DACH2: variants seen among roughly 807,000 people sequenced by gnomAD.
DACH2 encodes the protein dachshund family transcription factor 2, also known as dachshund homolog 2.
DACH2 carries 17 observed loss-of-function variants against 35.8 expected under a neutral mutation model. That is an observed-to-expected ratio of 0.48 (90% CI 0.33 to 0.71). The LOEUF is 0.71. Ranked by LOEUF, DACH2 falls within the 30% of genes least tolerant of loss-of-function variation. DACH2 has a pLI of 0.02. For missense variants in DACH2, 469 were observed against 472.7 expected (o/e 0.99, Z 0.07); for synonymous variants, 195 against 177.3 (o/e 1.10, Z -0.79).
intron 1 of DACH2, among the ~76,000 whole-genome samples, chrX:86,214,170 T>C (rs7057548): frequency 0.037 from 4,087 of 111,459 alleles, 190 homozygotes; most frequent in African/African-American, 0.13. Flanking sequence ...CTTCTTCTGG[T>C]TTATCTTTCA....
At chrX:86,606,156 C>T (rs1277419592) in intron 3 of DACH2, among the ~76,000 whole-genome samples, 1 of 110,883 alleles carries the variant, frequency 9.0e-6, no homozygotes, top group Admixed American at 9.6e-5. Context: ...CTTAAGGGGA[C>T]TATATTTGTG....
At chrX:86,687,169 A>G (rs2040954221) in intron 4 of DACH2, among the ~76,000 whole-genome samples, 1 of 111,665 alleles carries the variant, frequency 9.0e-6, no homozygotes, top group Non-Finnish European at 1.9e-5. Flanking sequence ...TTGACTCCTG[A>G]TCTTTTTGGA....
chrX:86,383,497 C>T lies in DACH2; in HGVS notation c.527+6635C>T, dbSNP rs754855971. Among the ~76,000 whole-genome samples the T allele has an allele frequency of 3.1e-3, 320 of 103,972 alleles. 1 individual carries two copies. Among genetic ancestry groups the T allele is most frequent in the African/African-American group, 0.011 (316 of 28,528 alleles). 90.3% of individuals were successfully genotyped at this position (103,972 alleles called of 115,157 possible). ...CTGAACGAAGCCTTGGCAAACGAAACTTGTTATCTTTTATCAGAAAAAGTC... is the reference window on the plus strand; with the variant it reads ...CTGAACGAAGCCTTGGCAAACGAAATTTGTTATCTTTTATCAGAAAAAGTC... On this transcript the variant is annotated intron_variant, in intron 2 of 11. Coordinates refer to ENST00000373125, the MANE Select transcript of DACH2 (RefSeq NM_053281.3).
intron 1 of DACH2, chrX:86,161,487 A>C: frequency 2.8e-6 from 1 of 358,226 alleles, no homozygotes; most frequent in Non-Finnish European, 4.8e-6. Context: ...AGTTAAATAA[A>C]AATTTCTTGA....
chrX:86,181,246 T>C (rs1019826537), intron 1 of DACH2, among the ~76,000 whole-genome samples: 4 of 110,083 alleles, frequency 3.6e-5, no homozygotes, highest in Admixed American at 9.8e-5. Flanking sequence ...GAAGGTTTGT[T>C]ACATAGGTCT....
chrX:86,572,756 C>G (rs1252326514), intron 3 of DACH2, among the ~76,000 whole-genome samples: 1 of 111,427 alleles, frequency 9.0e-6, no homozygotes, highest in Non-Finnish European at 1.9e-5. Flanking sequence ...CTTTACATAA[C>G]CTCATTTCTC....
intron 3 of DACH2, among the ~76,000 whole-genome samples, chrX:86,560,625 C>A (rs1228705268): frequency 1.1e-5 from 1 of 89,455 alleles, no homozygotes; most frequent in African/African-American, 4.2e-5. Flanking sequence ...CTTTGACAAA[C>A]CTGAGAAAAA....
intron 2 of DACH2, among the ~76,000 whole-genome samples, chrX:86,381,431 ATT>A (rs1250463378): frequency 9.0e-6 from 1 of 110,900 alleles, no homozygotes; most frequent in Non-Finnish European, 1.9e-5. Flanking sequence ...TAAAGATACT[ATT>A]TTAAATTTGT....
At chrX:86,225,194 G>A (rs1220268904) in intron 1 of DACH2, among the ~76,000 whole-genome samples, 5 of 111,578 alleles carry the variant, frequency 4.5e-5, no homozygotes, top group East Asian at 2.8e-4. Context: ...GATCACTTGC[G>A]TTGAGCAGTG....
At chrX:86,626,117 G>T (rs1200009111) in intron 3 of DACH2, among the ~76,000 whole-genome samples, 3 of 112,285 alleles carry the variant, frequency 2.7e-5, no homozygotes, top group African/African-American at 9.7e-5. Flanking sequence ...AAGCAAGTTA[G>T]TTACTTGCTA....
At chrX:86,476,239 G>C (rs2037841371) in intron 2 of DACH2, among the ~76,000 whole-genome samples, 1 of 111,792 alleles carries the variant, frequency 8.9e-6, no homozygotes, top group Admixed American at 9.5e-5. Context: ...AGAATAGTTT[G>C]AGTAGGATGG....
intron 1 of DACH2, among the ~76,000 whole-genome samples, chrX:86,232,205 A>C (rs1033357789): frequency 2.7e-5 from 3 of 111,720 alleles, no homozygotes; most frequent in Non-Finnish European, 5.6e-5. Flanking sequence ...AATCAACTGA[A>C]GATGGAATAA....
chrX:86,827,465 C>G (rs1227141088), intron 11 of DACH2, among the ~76,000 whole-genome samples: 1 of 111,355 alleles, frequency 9.0e-6, no homozygotes, highest in Non-Finnish European at 1.9e-5. Context: ...TTTATATTGT[C>G]AATATCACCC....
intron 2 of DACH2, among the ~76,000 whole-genome samples, chrX:86,414,831 C>T (rs2036675234): frequency 9.0e-6 from 1 of 111,286 alleles, no homozygotes; most frequent in African/African-American, 3.3e-5. Flanking sequence ...AAGCAGAGTC[C>T]CTACTTAGTG....
chrX:86,363,477 A>C (rs1393250221), intron 1 of DACH2, among the ~76,000 whole-genome samples: 1 of 111,531 alleles, frequency 9.0e-6, no homozygotes, highest in Non-Finnish European at 1.9e-5. Context: ...TGGTACGGTC[A>C]TATGACAACA....
intron 3 of DACH2, among the ~76,000 whole-genome samples, chrX:86,588,603 G>A (rs2039605354): frequency 9.0e-6 from 1 of 111,218 alleles, no homozygotes; most frequent in Non-Finnish European, 1.9e-5. Context: ...TCTATTCCTA[G>A]GTATTCTATT....
rs753079504 is a variant in DACH2 at position 86,565,419 on chromosome X, G to A, written c.640+51028G>A. Among the ~76,000 whole-genome samples, 3 of 111,260 alleles carry A rather than the reference G, an allele frequency of 2.7e-5. No homozygotes were observed. The East Asian group carries it at 8.6e-4, about 32-fold the overall frequency. ...TTAGCATTACTTGGGTACAAATTTC[G>A]AAGCAAATTCTCAGGCTTCACCCCA... On this transcript the variant is annotated intron_variant, in intron 3 of 11. Transcript: ENST00000373125.
intron 1 of DACH2, among the ~76,000 whole-genome samples, chrX:86,342,994 A>G (rs949329830): frequency 3.6e-5 from 4 of 111,567 alleles, no homozygotes; most frequent in African/African-American, 1.3e-4. Context: ...AAATTAAGAT[A>G]TATACATTGG....
chrX:86,571,165 T>A (rs2039362069), intron 3 of DACH2, among the ~76,000 whole-genome samples: 1 of 111,100 alleles, frequency 9.0e-6, no homozygotes, highest in Admixed American at 9.6e-5. Context: ...GAATATTCAA[T>A]TTTCCCAGAA....
Sources: allele counts gnomAD v4.1 joint callset (sites outside exome capture counted in the v4.1 genomes callset), GRCh38; gene constraint gnomAD v4.1.1; transcripts MANE v1.5; gene names NCBI Gene and HGNC (gene_info 2026-07-23, HGNC 2026-07-21).